Variants in HIVEP2 observed in about 807,000 individuals in gnomAD.
HIVEP2 encodes HIVEP zinc finger 2.
A neutral mutation model predicts 180.7 loss-of-function variants in HIVEP2; 14 were observed. The observed-to-expected ratio is 0.08, with a 90% CI of 0.05 to 0.12. The LOEUF is 0.12. HIVEP2 is among the 10% of genes least tolerant of loss of function. The pLI, the probability that HIVEP2 is intolerant of heterozygous loss-of-function variation, is 1.00. For synonymous variants in HIVEP2, 1,184 were observed against 1,136.4 expected (o/e 1.04, Z -0.84); for missense variants, 2,579 against 3,008.5 (o/e 0.86, Z 3.34).
intron 1 of HIVEP2, among the ~76,000 whole-genome samples, chr6:142,908,198 TGG>T (rs1562287678): frequency 6.6e-6 from 1 of 152,234 alleles, no homozygotes; most frequent in African/African-American, 2.4e-5. Context: ...TCTATTTGAA[TGG>T]TGCCCTCACG....
rs1777460335 is a variant in HIVEP2, at chr6:142,913,236, G to A, written c.-641+31863C>T. ...ACATCTTCAAAAACTCAAGCCTTGG[G>A]ATGCTAATGAGAACTTCTACTTTCA... On this transcript the variant is annotated intron_variant, in intron 1 of 9. Transcript: ENST00000367603. Among the ~76,000 whole-genome samples, 5 of 152,300 alleles carry A rather than the reference G, an allele frequency of 3.3e-5. 1 individual carries two copies. In the South Asian group the frequency reaches 1.0e-3, roughly 32 times the overall value.
Position 142,772,366 on chromosome 6 carries a change from G to A in HIVEP2, c.2373C>T (p.Gly791=), listed in dbSNP as rs752131189. The A allele has an allele frequency of 1.2e-6, 2 of 1,614,222 alleles. No individual in the cohort carries two copies. Among genetic ancestry groups the A allele is most frequent in the Non-Finnish European group, 1.7e-6 (2 of 1,180,034 alleles). Residue 791 remains glycine (G), a synonymous_variant, in exon 5 of 10, where the codon GGC becomes GGT. Coordinates refer to ENST00000367603, the MANE Select transcript of HIVEP2 (RefSeq NM_006734.4). The surrounding 1 kb of genome is among the most constrained non-coding windows in gnomAD (Gnocchi z 4.9). ...IDSDKMSDLG[G]RKPPGNVISV... is the part of the protein sequence containing the mutation. The stretch of plus-strand genomic sequence containing the variant: ...AAATCACATTTCCAGGAGGTTTCCT[G>A]CCCCCTAGGTCTGACATCTTGTCTG...
intron 2 of HIVEP2, among the ~76,000 whole-genome samples, chr6:142,826,997 G>A (rs559659341): frequency 6.6e-6 from 1 of 152,294 alleles, no homozygotes; most frequent in African/African-American, 2.4e-5. Flanking sequence ...ATGAATGATT[G>A]TAAACACGCT....
rs181102680 is a variant in HIVEP2 at position 142,940,660 on chromosome 6, G to A, written c.-641+4439C>T. Among the ~76,000 whole-genome samples the A allele has an allele frequency of 5.5e-3, 835 of 151,558 alleles. 5 individuals carry two copies. The highest frequency in any genetic ancestry group is 8.2e-3 in the Non-Finnish European group (557 of 68,004). ...CTGGAAGGAGCTCCTTTAGTGGTTC[G>A]GGTCATTATTTATACCCTGCGTGTC... is the stretch of plus-strand genomic sequence containing the variant. On this transcript the variant is annotated intron_variant, in intron 1 of 9. Transcript: ENST00000367603.
At chr6:142,869,270 C>A (rs1030273667) in intron 1 of HIVEP2, among the ~76,000 whole-genome samples, 1 of 152,134 alleles carries the variant, frequency 6.6e-6, no homozygotes. Flanking sequence ...GTATGTCATG[C>A]TTTCTTCTAG....
chr6:142,828,842 T>G (rs17072036), intron 2 of HIVEP2, among the ~76,000 whole-genome samples: 2,669 of 152,318 alleles, frequency 0.018, 80 homozygotes, highest in African/African-American at 0.059. Context: ...TTTCCATAAA[T>G]GTTGGTTGAT....
At chr6:142,926,824 C>T (rs1777823756) in intron 1 of HIVEP2, among the ~76,000 whole-genome samples, 1 of 151,792 alleles carries the variant, frequency 6.6e-6, no homozygotes, top group Non-Finnish European at 1.5e-5. Context: ...AGGTCTGGGC[C>T]GGCCCTGCGG....
chr6:142,767,967 A>T (rs918057945), intron 6 of HIVEP2, among the ~76,000 whole-genome samples: 3 of 152,210 alleles, frequency 2.0e-5, no homozygotes, highest in Non-Finnish European at 4.4e-5. Context: ...CAAACAAACA[A>T]ATTAACTAGT....
At chr6:142,784,709 T>A (rs1052232309) in intron 2 of HIVEP2, among the ~76,000 whole-genome samples, 1 of 152,168 alleles carries the variant, frequency 6.6e-6, no homozygotes, top group Non-Finnish European at 1.5e-5. Flanking sequence ...TAAACTTTAT[T>A]CTTCTTGCCT....
chr6:142,766,428 G>T (rs1194168309), intron 6 of HIVEP2, among the ~76,000 whole-genome samples: 2 of 152,088 alleles, frequency 1.3e-5, no homozygotes, highest in African/African-American at 4.8e-5. Flanking sequence ...CCCTAAAGAT[G>T]CAAATGTCTT....
intron 1 of HIVEP2, among the ~76,000 whole-genome samples, chr6:142,912,928 T>A (rs1237328530): frequency 6.6e-6 from 1 of 152,214 alleles, no homozygotes; most frequent in Non-Finnish European, 1.5e-5. Flanking sequence ...GTGCTGCACA[T>A]TTATAAGGAG....
chr6:142,830,587 A>G (rs1401375729), intron 2 of HIVEP2, among the ~76,000 whole-genome samples: 2 of 152,198 alleles, frequency 1.3e-5, no homozygotes, highest in African/African-American at 4.8e-5. Flanking sequence ...CAGCAAAAAG[A>G]GGAAGATGAT....
At chr6:142,863,912 A>T (rs1776069867) in intron 1 of HIVEP2, among the ~76,000 whole-genome samples, 1 of 152,200 alleles carries the variant, frequency 6.6e-6, no homozygotes, top group African/African-American at 2.4e-5. Context: ...ATCTTTATTT[A>T]AATCTCATGC....
In HIVEP2 at chr6:142,774,151, T is replaced by C; in HGVS notation, c.588A>G (p.Arg196=). The C allele has an allele frequency of 6.2e-7, 1 of 1,614,136 alleles. No homozygotes were observed. Among genetic ancestry groups the C allele is most frequent in the South Asian group, 1.1e-5 (1 of 91,082 alleles). The change falls in exon 5 of 10, where the codon AGA becomes AGG. Residue 196 remains arginine (R), a synonymous_variant. Coordinates refer to ENST00000367603, the MANE Select transcript of HIVEP2 (RefSeq NM_006734.4). This position sits in a 1 kb window ranked among gnomAD's most constrained non-coding sequence, Gnocchi z 5.1. ...TCAGTACACTAGGTTTGGCACACGC[T>C]CTGCTGCAGTAAGGGCAAATGTACT... is the stretch of plus-strand genomic sequence containing the variant. ...PGKYICPYCS[R]ACAKPSVLKK... is the part of the protein sequence containing the mutation.
intron 1 of HIVEP2, among the ~76,000 whole-genome samples, chr6:142,931,876 T>C (rs986957929): frequency 1.3e-5 from 2 of 152,192 alleles, no homozygotes; most frequent in Middle Eastern, 3.2e-3. Flanking sequence ...TATGAGTCCT[T>C]AGACCATATA....
chr6:142,914,908 A>G (rs1318045443), intron 1 of HIVEP2, among the ~76,000 whole-genome samples: 4 of 152,056 alleles, frequency 2.6e-5, no homozygotes, highest in African/African-American at 9.7e-5. Flanking sequence ...ACTTTCCACA[A>G]ATTTAAATCC....
At chr6:142,940,305 A>G (rs1340871313) in intron 1 of HIVEP2, among the ~76,000 whole-genome samples, 2 of 152,274 alleles carry the variant, frequency 1.3e-5, no homozygotes, top group Non-Finnish European at 2.9e-5. Flanking sequence ...GCAAATAATA[A>G]TAGTTAATTT....
intron 2 of HIVEP2, among the ~76,000 whole-genome samples, chr6:142,835,990 G>A (rs1363587975): frequency 6.6e-6 from 1 of 152,158 alleles, no homozygotes; most frequent in African/African-American, 2.4e-5. Flanking sequence ...CAGATGATTA[G>A]ACACTTTCCT....
At chr6:142,818,061 A>G (rs771310699) in intron 2 of HIVEP2, among the ~76,000 whole-genome samples, 1 of 152,132 alleles carries the variant, frequency 6.6e-6, no homozygotes, top group Non-Finnish European at 1.5e-5. Context: ...GGAGGAAGGA[A>G]GGGATGTGTA....
Sources: allele counts gnomAD v4.1 joint callset (sites outside exome capture counted in the v4.1 genomes callset), GRCh38; gene constraint gnomAD v4.1.1; non-coding constraint Gnocchi (gnomAD v3.1); transcripts MANE v1.5; gene names NCBI Gene and HGNC (gene_info 2026-07-23, HGNC 2026-07-21).